HDAC9: variants seen among roughly 807,000 people sequenced by gnomAD.
HDAC9 encodes histone deacetylase 9.
Under a neutral mutation model 139.4 loss-of-function variants are expected in HDAC9, and 41 were observed. That is an observed-to-expected ratio of 0.29 (90% CI 0.23 to 0.38). The LOEUF (loss-of-function observed/expected upper bound fraction) is 0.38, where lower values mean the gene tolerates loss of function less well. HDAC9 is among the 10% of genes least tolerant of loss of function. The pLI is 1.00. For missense variants in HDAC9, 1,147 were observed against 1,297.0 expected (o/e 0.88, Z 1.78); for synonymous variants, 517 against 476.2 (o/e 1.09, Z -1.12).
At chr7:18,266,574 A>G (rs1183773112) in intron 2 of HDAC9, among the ~76,000 whole-genome samples, 6 of 152,280 alleles carry the variant, frequency 3.9e-5, no homozygotes, top group African/African-American at 1.4e-4. Flanking sequence ...ATGCATGCCC[A>G]ACAGTTGACA....
At chr7:18,314,716 C>T (rs1799525787) in intron 1 of HDAC9, among the ~76,000 whole-genome samples, 1 of 152,072 alleles carries the variant, frequency 6.6e-6, no homozygotes, top group African/African-American at 2.4e-5. Flanking sequence ...GTTGAGTTGT[C>T]ATGGTTGATA....
intron 23 of HDAC9, 88 bp downstream of exon 23, chr7:18,936,030 C>G: frequency 7.8e-7 from 1 of 1,280,050 alleles, no homozygotes; most frequent in Non-Finnish European, 1.1e-6. Flanking sequence ...ATTCTGCATA[C>G]TCAGAAAGCT....
chr7:18,360,359 TTGG>T (rs1222493976), intron 1 of HDAC9, among the ~76,000 whole-genome samples: 1 of 152,206 alleles, frequency 6.6e-6, no homozygotes, highest in Non-Finnish European at 1.5e-5. Flanking sequence ...CCAATGTCCT[TTGG>T]TAATATTTTT....
intron 3 of HDAC9, among the ~76,000 whole-genome samples, chr7:18,588,474 C>T (rs528930624): frequency 6.6e-6 from 1 of 151,964 alleles, no homozygotes; most frequent in Non-Finnish European, 1.5e-5. Context: ...TTCATATACA[C>T]CTTATACACA....
intron 13 of HDAC9, among the ~76,000 whole-genome samples, chr7:18,745,883 C>CTTTTTTTTTTTTT (rs752292349): frequency 1.0e-5 from 1 of 99,486 alleles, no homozygotes; most frequent in Non-Finnish European, 1.9e-5. Flanking sequence ...TCTTCTTCTT[C>CTTTTTTTTTTTTT]TTTTTTTTTT....
At chr7:18,700,119 GA>G (rs201852663) in intron 12 of HDAC9, among the ~76,000 whole-genome samples, 31 of 150,754 alleles carry the variant, frequency 2.1e-4, no homozygotes, top group South Asian at 8.4e-4. Flanking sequence ...GCTACAAGAA[GA>G]AAAAAAAATG....
chr7:18,586,634 G>A (rs868237635), intron 3 of HDAC9, among the ~76,000 whole-genome samples: 3 of 151,890 alleles, frequency 2.0e-5, no homozygotes, highest in Non-Finnish European at 1.5e-5. Flanking sequence ...ATATTACTTG[G>A]TTTACAAGAT....
chr7:18,169,471 A>C lies in HDAC9; in HGVS notation c.25+7122A>C, dbSNP rs189107875. On this transcript the variant is annotated intron_variant, in intron 2 of 12. Transcript: ENST00000417496. ...CATCAGTTTTTTTTTCTTTTTTTTTAAATTATACTTTAAGTTGTAGGGTAC... is the reference window on the plus strand; with the variant it reads ...CATCAGTTTTTTTTTCTTTTTTTTTCAATTATACTTTAAGTTGTAGGGTAC... Among the ~76,000 whole-genome samples the C allele has an allele frequency of 3.9e-3, 580 of 148,806 alleles. 14 individuals are homozygous for C. Among genetic ancestry groups the C allele is most frequent in the Admixed American group, 0.038 (563 of 14,956 alleles).
chr7:18,442,460 C>G (rs762952339), intron 1 of HDAC9, among the ~76,000 whole-genome samples: 168 of 152,210 alleles, frequency 1.1e-3, no homozygotes, highest in Non-Finnish European at 5.6e-4. Context: ...CCACTCCATG[C>G]TATCATGGTA....
chr7:18,303,699 C>T (rs1289735099), intron 1 of HDAC9, among the ~76,000 whole-genome samples: 1 of 152,110 alleles, frequency 6.6e-6, no homozygotes, highest in East Asian at 1.9e-4. Context: ...TTCCAGTTCC[C>T]ATTTGAGATA....
chr7:18,371,528 C>T (rs539829946), intron 1 of HDAC9, among the ~76,000 whole-genome samples: 15 of 152,110 alleles, frequency 9.9e-5, no homozygotes, highest in African/African-American at 2.7e-4. Context: ...TATTATAATA[C>T]ATGTATTAGA....
intron 2 of HDAC9, among the ~76,000 whole-genome samples, chr7:18,271,600 C>T (rs940906246): frequency 6.6e-6 from 1 of 152,206 alleles, no homozygotes; most frequent in Admixed American, 6.5e-5. Context: ...ATGCATCCCT[C>T]AGCATGAAGC....
chr7:18,593,300 G>A (rs1831509128), intron 5 of HDAC9, among the ~76,000 whole-genome samples: 1 of 151,776 alleles, frequency 6.6e-6, no homozygotes, highest in Admixed American at 6.6e-5. Context: ...TTCTCCAGCA[G>A]CACAGTTGCA....
intron 1 of HDAC9, among the ~76,000 whole-genome samples, chr7:18,148,563 TC>T (rs1221863519): frequency 6.6e-6 from 1 of 152,140 alleles, no homozygotes. Context: ...CTCATGCGAT[TC>T]CCCCACCTCA....
At chr7:18,781,151 T>C (rs189466164) in intron 16 of HDAC9, among the ~76,000 whole-genome samples, 25 of 152,168 alleles carry the variant, frequency 1.6e-4, no homozygotes, top group Admixed American at 1.5e-3. Flanking sequence ...AGGACATCAG[T>C]CATTTTGTAT....
At position 18,805,623 on chromosome 7, in the gene HDAC9, G is replaced by A. The variant is rs1482866640; in HGVS notation, c.2322+12171G>A. 3.3e-5 allele frequency among the ~76,000 whole-genome samples: 5 copies of A among 152,240 alleles called. No homozygotes were observed. The East Asian group carries it at 7.7e-4, about 23-fold the overall frequency. ...AGCCACCAGTAGAATGAGACTGGAGGCATGTGAAAGAGCTGATGAAGGCCT... is the reference window on the plus strand; with the variant it reads ...AGCCACCAGTAGAATGAGACTGGAGACATGTGAAAGAGCTGATGAAGGCCT... On this transcript the variant is annotated intron_variant, in intron 17 of 25. Transcript: ENST00000686413.
At chr7:18,643,045 T>A (rs1371667860) in intron 8 of HDAC9, among the ~76,000 whole-genome samples, 1 of 152,150 alleles carries the variant, frequency 6.6e-6, no homozygotes, top group Non-Finnish European at 1.5e-5. Flanking sequence ...ACATATCCTT[T>A]TATTTTAAAT....
Position 18,734,215 on chromosome 7 carries a change from T to C in HDAC9, c.1909+6458T>C, listed in dbSNP as rs564613654. 4.5e-4 allele frequency among the ~76,000 whole-genome samples: 69 copies of C among 152,282 alleles called. 1 individual carries two copies. Among genetic ancestry groups the C allele is most frequent in the African/African-American group, 1.6e-3 (68 of 41,558 alleles). ...AACTTTTCATCATTATTATATATTA[T>C]AGTGATGTGTGATCAGTGATCTTTT... On this transcript the variant is annotated intron_variant, in intron 13 of 25. Coordinates refer to ENST00000686413, the MANE Select transcript of HDAC9 (RefSeq NM_178425.4).
At chr7:18,488,067 C>A (rs146750388) in intron 1 of HDAC9, among the ~76,000 whole-genome samples, 94 of 151,998 alleles carry the variant, frequency 6.2e-4, no homozygotes, top group African/African-American at 2.1e-3. Context: ...TGATTCATAC[C>A]AAGTAGTGAA....
Sources: gnomAD v4.1 joint callset for allele counts (sites outside exome capture counted in the v4.1 genomes callset) on GRCh38, gnomAD v4.1.1 for gene constraint, MANE v1.5 for transcripts, NCBI Gene and HGNC (gene_info 2026-07-23, HGNC 2026-07-21) for gene names.